ATRNL1: variants seen among roughly 807,000 people sequenced by gnomAD.
The protein encoded by ATRNL1 is attractin like 1, also known as attractin-like protein 1.
Under a neutral mutation model 182.7 loss-of-function variants are expected in ATRNL1, and 95 were observed. That is an observed-to-expected ratio of 0.52 (90% CI 0.44 to 0.62). ATRNL1 has a LOEUF of 0.62. ATRNL1 is among the 20% of genes least tolerant of loss of function. The pLI is 0.00. For synonymous variants in ATRNL1, 576 were observed against 568.3 expected, an observed-to-expected ratio of 1.01 and a Z score of -0.19; for missense variants, 1,471 against 1,679.5, an observed-to-expected ratio of 0.88 and a Z score of 2.17.
At chr10:115,273,902 G>A (rs1474609708) in intron 13 of ATRNL1, among the ~76,000 whole-genome samples, 3 of 152,212 alleles carry the variant, frequency 2.0e-5, no homozygotes, top group South Asian at 2.1e-4. Flanking sequence ...ATAGAGTGCC[G>A]CTGTGCATAC....
intron 19 of ATRNL1, among the ~76,000 whole-genome samples, chr10:115,354,362 T>A (rs1166089365): frequency 6.6e-6 from 1 of 152,180 alleles, no homozygotes; most frequent in Non-Finnish European, 1.5e-5. Context: ...GTAAAATCTC[T>A]TCAGCATTCA....
intron 13 of ATRNL1, among the ~76,000 whole-genome samples, chr10:115,280,504 A>G (rs1852312554): frequency 6.6e-6 from 1 of 152,086 alleles, no homozygotes; most frequent in Admixed American, 6.5e-5. Flanking sequence ...TTCTGAGGAG[A>G]AAGGTCCCTG....
chr10:115,387,709 C>CT (rs1439920748), intron 19 of ATRNL1, among the ~76,000 whole-genome samples: 1 of 152,054 alleles, frequency 6.6e-6, no homozygotes, highest in East Asian at 1.9e-4. Flanking sequence ...TTGTGTTTGG[C>CT]TTTTTTTCAC....
intron 26 of ATRNL1, among the ~76,000 whole-genome samples, chr10:115,645,335 T>G (rs999039030): frequency 1.3e-5 from 2 of 150,872 alleles, no homozygotes; most frequent in Non-Finnish European, 3.0e-5. Context: ...GAAAAAAAAT[T>G]TTCCAAAAAG....
chr10:115,289,722 A>G (rs893237767), intron 15 of ATRNL1, among the ~76,000 whole-genome samples: 2 of 152,102 alleles, frequency 1.3e-5, no homozygotes, highest in Admixed American at 6.5e-5. Flanking sequence ...TGGGTTCTCT[A>G]TTCTCTTCAA....
chr10:115,368,345 G>T (rs555047373), intron 19 of ATRNL1, among the ~76,000 whole-genome samples: 3 of 152,310 alleles, frequency 2.0e-5, no homozygotes, highest in Admixed American at 2.0e-4. Flanking sequence ...TGACCCTTGC[G>T]CTTCCCAAGT....
intron 24 of ATRNL1, among the ~76,000 whole-genome samples, chr10:115,518,763 G>A (rs1850762967): frequency 6.6e-6 from 1 of 151,982 alleles, no homozygotes; most frequent in South Asian, 2.1e-4. Context: ...AATGGAGAAC[G>A]ACTTCAACTT....
intron 28 of ATRNL1, among the ~76,000 whole-genome samples, chr10:115,924,855 G>A (rs967163046): frequency 3.3e-5 from 5 of 152,072 alleles, no homozygotes; most frequent in African/African-American, 7.2e-5. Context: ...CCATTTTCAC[G>A]ATATTGATTC....
intron 26 of ATRNL1, among the ~76,000 whole-genome samples, chr10:115,635,209 A>G (rs1246504551): frequency 1.3e-5 from 2 of 152,066 alleles, no homozygotes; most frequent in Admixed American, 1.3e-4. Context: ...AAAACAAGCA[A>G]TGGAGTGAGA....
At chr10:115,363,003 C>A (rs1299600241) in intron 19 of ATRNL1, among the ~76,000 whole-genome samples, 1 of 151,994 alleles carries the variant, frequency 6.6e-6, no homozygotes, top group East Asian at 1.9e-4. Flanking sequence ...GTCTTTATAG[C>A]AGCATGATTT....
intron 26 of ATRNL1, among the ~76,000 whole-genome samples, chr10:115,584,864 C>G (rs1321228423): frequency 6.6e-6 from 1 of 151,230 alleles, no homozygotes; most frequent in African/African-American, 2.4e-5. Flanking sequence ...TGGATCTTTC[C>G]TGCTTCCTCT....
At chr10:115,740,410 C>G (rs1407945739) in intron 27 of ATRNL1, among the ~76,000 whole-genome samples, 1 of 152,084 alleles carries the variant, frequency 6.6e-6, no homozygotes, top group Non-Finnish European at 1.5e-5. Flanking sequence ...CAGCACACAC[C>G]TATAGTCCCA....
intron 26 of ATRNL1, among the ~76,000 whole-genome samples, chr10:115,706,431 A>G (rs1480378908): frequency 1.3e-5 from 2 of 151,884 alleles, no homozygotes; most frequent in Non-Finnish European, 2.9e-5. Flanking sequence ...CTTTTGCCAT[A>G]TAAGGAAACT....
chr10:115,684,038 G>A (rs1946138926), intron 26 of ATRNL1, among the ~76,000 whole-genome samples: 1 of 151,576 alleles, frequency 6.6e-6, no homozygotes, highest in Non-Finnish European at 1.5e-5. Flanking sequence ...TCTAGGAATA[G>A]TATCAGTATA....
intron 8 of ATRNL1, among the ~76,000 whole-genome samples, chr10:115,185,551 C>G (rs1369154451): frequency 6.6e-6 from 1 of 151,928 alleles, no homozygotes; most frequent in Non-Finnish European, 1.5e-5. Flanking sequence ...AGTAGACAGA[C>G]AGGTACAAAT....
intron 20 of ATRNL1, among the ~76,000 whole-genome samples, chr10:115,395,820 TC>T (rs1217950137): frequency 1.3e-5 from 2 of 151,800 alleles, no homozygotes; most frequent in African/African-American, 4.8e-5. Context: ...TGTTTTTTAT[TC>T]TTTTTCTTGT....
chr10:115,849,964 T>C (rs1368083462), intron 28 of ATRNL1, among the ~76,000 whole-genome samples: 1 of 152,208 alleles, frequency 6.6e-6, no homozygotes, highest in Non-Finnish European at 1.5e-5. Context: ...TAGCTTACCA[T>C]ACTTTTTACA....
intron 20 of ATRNL1, among the ~76,000 whole-genome samples, chr10:115,403,923 T>C (rs1423921376): frequency 6.6e-6 from 1 of 152,200 alleles, no homozygotes; most frequent in Non-Finnish European, 1.5e-5. Context: ...ATTTATTCAC[T>C]GAGAGGCTAT....
chr10:115,594,196 C>G (rs1856089577), intron 26 of ATRNL1, among the ~76,000 whole-genome samples: 1 of 152,010 alleles, frequency 6.6e-6, no homozygotes, highest in South Asian at 2.1e-4. Context: ...AATAGTACTT[C>G]AAGATTCTAA....
Sources: gnomAD v4.1 joint callset for allele counts (sites outside exome capture counted in the v4.1 genomes callset) on GRCh38, gnomAD v4.1.1 for gene constraint, MANE v1.5 for transcripts, NCBI Gene and HGNC (gene_info 2026-07-23, HGNC 2026-07-21) for gene names.